Variants in ABCA13 observed in about 807,000 individuals in gnomAD.
ABCA13 encodes ATP binding cassette subfamily A member 13.
In ABCA13, 476 loss-of-function variants were observed where a neutral mutation model predicts 478.7. The ratio of observed to expected loss-of-function variants is 0.99; its 90% CI spans 0.92 to 1.07. ABCA13 has a LOEUF of 1.07. Among genes scored for constraint, ABCA13 ranks in the 50% least tolerant of loss-of-function variants. ABCA13 has a pLI of 0.00. For synonymous variants in ABCA13, 2,252 were observed against 2,158.9 expected (o/e 1.04, Z -1.20); for missense variants, 6,060 against 5,910.6 (o/e 1.03, Z -0.83).
At chr7:48,477,108 G>A (rs556935359) in intron 45 of ABCA13, among the ~76,000 whole-genome samples, 1 of 152,084 alleles carries the variant, frequency 6.6e-6, no homozygotes, top group African/African-American at 2.4e-5. Flanking sequence ...AGAGATGAGG[G>A]CCTGATATTT....
chr7:48,314,526 T>G (rs1324165536), intron 26 of ABCA13, 117 bp downstream of exon 26: 1 of 963,260 alleles, frequency 1.0e-6, no homozygotes, highest in East Asian at 2.8e-5. Flanking sequence ...TGGCATAGAA[T>G]CTTCTGCTTC....
chr7:48,477,959 T>C (rs1228773709), intron 45 of ABCA13, among the ~76,000 whole-genome samples: 1 of 151,584 alleles, frequency 6.6e-6, no homozygotes, highest in Non-Finnish European at 1.5e-5. Flanking sequence ...ATAATTGGAA[T>C]TTTTTTTAGC....
chr7:48,645,029 C>T (rs1352283104), intron 61 of ABCA13, among the ~76,000 whole-genome samples: 1 of 152,132 alleles, frequency 6.6e-6, no homozygotes, highest in Non-Finnish European at 1.5e-5. Flanking sequence ...CTTCCTATCT[C>T]CACCTTACTC....
At chr7:48,429,646 G>A (rs1001057133) in intron 42 of ABCA13, among the ~76,000 whole-genome samples, 8 of 152,282 alleles carry the variant, frequency 5.3e-5, no homozygotes, top group African/African-American at 1.9e-4. Flanking sequence ...TCTAGAGCTG[G>A]AAGAATTTCT....
intron 54 of ABCA13, 60 bp from the exon 55 acceptor site, chr7:48,528,176 T>G: frequency 7.4e-7 from 1 of 1,354,832 alleles, no homozygotes; most frequent in Non-Finnish European, 1.0e-6. Flanking sequence ...TTATTTAACT[T>G]GTTCTATTTA....
chr7:48,518,495 T>C (rs954874831), intron 52 of ABCA13, among the ~76,000 whole-genome samples: 1 of 152,148 alleles, frequency 6.6e-6, no homozygotes, highest in Non-Finnish European at 1.5e-5. Flanking sequence ...CTTGTTACCT[T>C]TAATTATAAA....
chr7:48,297,581 G>T (rs992863467), intron 22 of ABCA13, among the ~76,000 whole-genome samples: 4 of 152,152 alleles, frequency 2.6e-5, no homozygotes, highest in African/African-American at 9.7e-5. Context: ...TGATGTCTGT[G>T]TGTCTCTGTT....
intron 27 of ABCA13, among the ~76,000 whole-genome samples, chr7:48,334,379 G>T (rs1281331579): frequency 6.7e-6 from 1 of 149,258 alleles, no homozygotes; most frequent in Non-Finnish European, 1.5e-5. Flanking sequence ...CTGTTGCCCA[G>T]GTTGGAGCAC....
At chr7:48,220,721 A>G (rs1787241137) in intron 4 of ABCA13, among the ~76,000 whole-genome samples, 1 of 152,176 alleles carries the variant, frequency 6.6e-6, no homozygotes, top group Admixed American at 6.5e-5. Context: ...ATTACACTCT[A>G]TTTTGGGGTC....
chr7:48,267,106 C>A (rs962886177), intron 15 of ABCA13, among the ~76,000 whole-genome samples: 1 of 151,904 alleles, frequency 6.6e-6, no homozygotes, highest in Admixed American at 6.6e-5. Context: ...ATATGATCTA[C>A]CTTGGTAAAT....
chr7:48,413,276 C>T lies in ABCA13; in HGVS notation c.12459+693C>T, dbSNP rs569923870. On this transcript the variant is annotated intron_variant, in intron 41 of 61. Transcript: ENST00000435803. ...AGTCTCTGGCCCCATGCTGGGTATCCGTGATGTGAGAGGGTTTAGCACGGG... is the reference window on the plus strand; with the variant it reads ...AGTCTCTGGCCCCATGCTGGGTATCTGTGATGTGAGAGGGTTTAGCACGGG... Among the ~76,000 whole-genome samples the T allele has an allele frequency of 5.3e-5, 8 of 152,240 alleles. No individual in the cohort carries two copies. In the South Asian group the frequency reaches 6.2e-4, roughly 12 times the overall value.
chr7:48,205,165 T>C (rs1784768253), intron 3 of ABCA13, among the ~76,000 whole-genome samples: 1 of 152,252 alleles, frequency 6.6e-6, no homozygotes, highest in Non-Finnish European at 1.5e-5. Context: ...ACACCGTGTT[T>C]AGTATTTCAA....
At chr7:48,421,449 C>T (rs1030585597) in intron 41 of ABCA13, among the ~76,000 whole-genome samples, 4 of 152,206 alleles carry the variant, frequency 2.6e-5, no homozygotes, top group Non-Finnish European at 5.9e-5. Flanking sequence ...CTATTCTACT[C>T]AATGAGTTAC....
intron 55 of ABCA13, among the ~76,000 whole-genome samples, chr7:48,562,677 C>G (rs969116603): frequency 6.6e-6 from 1 of 152,060 alleles, no homozygotes; most frequent in Non-Finnish European, 1.5e-5. Context: ...AAAGGAACCA[C>G]TGGGGGACTA....
chr7:48,283,228 A>T (rs1418177235), intron 19 of ABCA13, among the ~76,000 whole-genome samples: 1 of 152,138 alleles, frequency 6.6e-6, no homozygotes, highest in Admixed American at 6.5e-5. Flanking sequence ...GGTGTGGGCC[A>T]CTGAGTCTGT....
At chr7:48,271,441 C>A (rs1795593130) in intron 16 of ABCA13, among the ~76,000 whole-genome samples, 1 of 152,078 alleles carries the variant, frequency 6.6e-6, no homozygotes, top group Non-Finnish European at 1.5e-5. Context: ...CCTTTACATG[C>A]CAAGACATTT....
chr7:48,582,654 C>T (rs1314653621), intron 56 of ABCA13, among the ~76,000 whole-genome samples: 2 of 152,126 alleles, frequency 1.3e-5, no homozygotes, highest in Admixed American at 6.5e-5. Context: ...TCCTCCCTCC[C>T]GGGGACCCTC....
chr7:48,238,532 G>A (rs1032946896), intron 8 of ABCA13, among the ~76,000 whole-genome samples: 3 of 150,556 alleles, frequency 2.0e-5, no homozygotes, highest in African/African-American at 7.3e-5. Flanking sequence ...GCAGTGGCAC[G>A]ATCTCCGCTC....
At chr7:48,567,255 G>A (rs529982711) in intron 55 of ABCA13, among the ~76,000 whole-genome samples, 7 of 152,158 alleles carry the variant, frequency 4.6e-5, no homozygotes, top group Non-Finnish European at 7.4e-5. Flanking sequence ...CCCTGTGTTC[G>A]CAGAGTGCTG....
Sources: gnomAD v4.1 joint callset for allele counts (sites outside exome capture counted in the v4.1 genomes callset) on GRCh38, gnomAD v4.1.1 for gene constraint, MANE v1.5 for transcripts, NCBI Gene and HGNC (gene_info 2026-07-23, HGNC 2026-07-21) for gene names.